Variants in ZNF529 observed in about 807,000 individuals in gnomAD.
ZNF529 encodes zinc finger protein 529.
A neutral mutation model predicts 10.1 loss-of-function variants in ZNF529; 11 were observed. The ratio of observed to expected loss-of-function variants is 1.09; its 90% confidence interval spans 0.69 to 1.81. ZNF529 has a LOEUF of 1.81. Among genes scored for constraint, ZNF529 ranks in the 40% most tolerant of loss-of-function variants. The pLI is 0.00. For synonymous variants in ZNF529, 204 were observed against 215.7 expected (o/e 0.95, Z 0.47); for missense variants, 624 against 666.8 (o/e 0.94, Z 0.71).
At chr19:36,584,216 T>A (rs1490846910) in intron 2 of ZNF529, among the ~76,000 whole-genome samples, 1 of 152,032 alleles carries the variant, frequency 6.6e-6, no homozygotes, top group East Asian at 1.9e-4. Context: ...TTCAAACTGA[T>A]AGAGGAAAAG....
chr19:36,586,477 C>T (rs1342028950), intron 2 of ZNF529, among the ~76,000 whole-genome samples: 1 of 152,076 alleles, frequency 6.6e-6, no homozygotes, highest in Non-Finnish European at 1.5e-5. Flanking sequence ...TGGTGGTGTG[C>T]ATCTCTAATC....
intron 4 of ZNF529, among the ~76,000 whole-genome samples, chr19:36,549,356 AC>A (rs2035175527): frequency 1.3e-5 from 2 of 152,200 alleles, no homozygotes; most frequent in African/African-American, 4.8e-5. Context: ...GTATAACAAG[AC>A]CTAAGGACAT....
chr19:36,595,672 C>T (rs2036824271), intron 1 of ZNF529, among the ~76,000 whole-genome samples: 1 of 152,118 alleles, frequency 6.6e-6, no homozygotes, highest in Non-Finnish European at 1.5e-5. Flanking sequence ...GCACTCCAGC[C>T]TGGACGACAG....
intron 2 of ZNF529, among the ~76,000 whole-genome samples, chr19:36,559,264 C>T (rs1198344232): frequency 6.6e-6 from 1 of 152,230 alleles, no homozygotes; most frequent in African/African-American, 2.4e-5. Context: ...TACAATCCAG[C>T]AATTCTGCTT....
At position 36,548,219 on chromosome 19, in the gene ZNF529, G is replaced by A. The variant is rs1568573974; in HGVS notation, c.339C>T (p.Gly113=). The A allele has an allele frequency of 1.9e-6, 3 of 1,613,704 alleles. No homozygotes were observed. The highest frequency in any genetic ancestry group is 2.5e-6 in the Non-Finnish European group (3 of 1,179,834). The change falls in exon 5 of 5, where the codon GGC becomes GGT. Residue 113 remains glycine, a synonymous_variant. Coordinates refer to ENST00000591340, the MANE Select transcript of ZNF529 (RefSeq NM_020951.5). ...WEVMESSKLC[G]LEGSIFRNDW... is the part of the protein sequence containing the mutation. ...CATTTCTGAAAATGGAACCTTCAAGGCCACATAACTTGCTACTTTCCATTA... is the reference window on the plus strand; with the variant it reads ...CATTTCTGAAAATGGAACCTTCAAGACCACATAACTTGCTACTTTCCATTA...
intron 2 of ZNF529, among the ~76,000 whole-genome samples, chr19:36,560,557 A>G (rs1263182921): frequency 6.6e-6 from 1 of 152,192 alleles, no homozygotes; most frequent in East Asian, 1.9e-4. Flanking sequence ...TAAAAGTTAT[A>G]AATGTATAAA....
In ZNF529 at chr19:36,584,936, T is replaced by C. The variant is rs1046155002; in HGVS notation, c.-41+4679A>G. On this transcript the variant is annotated intron_variant, in intron 2 of 4. Transcript: ENST00000585960. ...TAATCCAGTGCAGGGGAAAGTAGAA[T>C]AAGGAGCACTTAATTGATCTCATAG... Among the ~76,000 whole-genome samples the C allele has an allele frequency of 2.0e-5, 3 of 152,118 alleles. No homozygotes were observed. In the East Asian group the frequency reaches 5.8e-4, roughly 29 times the overall value.
intron 2 of ZNF529, among the ~76,000 whole-genome samples, chr19:36,565,549 A>C (rs2035864467): frequency 6.6e-6 from 1 of 152,082 alleles, no homozygotes; most frequent in Non-Finnish European, 1.5e-5. Flanking sequence ...AAAAATACAA[A>C]AATTAGCTGG....
At chr19:36,600,746 C>T (rs370073205) in intron 1 of ZNF529, among the ~76,000 whole-genome samples, 1 of 152,118 alleles carries the variant, frequency 6.6e-6, no homozygotes, top group African/African-American at 2.4e-5. Flanking sequence ...AATTCCAAGG[C>T]AAATTATTCC....
At chr19:36,591,805 C>T (rs1019062697) in intron 1 of ZNF529, among the ~76,000 whole-genome samples, 20 of 151,774 alleles carry the variant, frequency 1.3e-4, no homozygotes, top group Non-Finnish European at 1.8e-4. Context: ...ATAATTCAAC[C>T]AGAAATTTAA....
chr19:36,575,003 G>A, upstream of ZNF529: 1 of 448,168 alleles, frequency 2.2e-6, no homozygotes, highest in East Asian at 7.0e-5. Flanking sequence ...TAGTTTCTGA[G>A]TTTGCTTTGC....
intron 2 of ZNF529, chr19:36,582,782 C>G (rs1229183108): frequency 1.4e-5 from 2 of 143,336 alleles, no homozygotes; most frequent in Non-Finnish European, 3.1e-5. Context: ...AGAAAATGAA[C>G]AAAACAACAA....
intron 1 of ZNF529, among the ~76,000 whole-genome samples, chr19:36,596,057 C>CT (rs61695534): frequency 0.035 from 2,402 of 68,656 alleles, 476 homozygotes; most frequent in Non-Finnish European, 0.048. Context: ...TCCTGAAGCT[C>CT]TTTTTTTTTT....
chr19:36,564,676 G>T (rs2035831900), intron 2 of ZNF529, among the ~76,000 whole-genome samples: 1 of 152,166 alleles, frequency 6.6e-6, no homozygotes, highest in Non-Finnish European at 1.5e-5. Context: ...GCCACTGTGG[G>T]ATGCAGTTTG....
chr19:36,543,965 T>C lies in ZNF529; in HGVS notation c.*2901A>G, dbSNP rs2034926686. 7.2e-6 allele frequency: 1 copy of C among 139,124 alleles called. No individual in the cohort carries two copies. Among genetic ancestry groups the C allele is most frequent in the Non-Finnish European group, 1.5e-5 (1 of 64,876 alleles). The allele number at this position is 139,124 out of a possible 1,614,324, so 8.6% of individuals were successfully genotyped here. A position where few individuals can be genotyped will look rare whatever the true frequency, so the allele number is the denominator to read the frequency against. Reference sequence around the variant, plus strand: ...TCTTTACCTGTCCCTAACATACATATATTAGTTGCCATTAAATTGAATTCC... The same window carrying C: ...TCTTTACCTGTCCCTAACATACATACATTAGTTGCCATTAAATTGAATTCC... On this transcript the variant is annotated 3_prime_UTR_variant, in exon 5 of 5. Transcript: ENST00000591340.
At chr19:36,566,973 G>A (rs962191625) in intron 2 of ZNF529, among the ~76,000 whole-genome samples, 18 of 150,804 alleles carry the variant, frequency 1.2e-4, no homozygotes, top group Admixed American at 4.0e-4. Context: ...CCGAGATCGC[G>A]CCACTGCATT....
upstream of ZNF529, among the ~76,000 whole-genome samples, chr19:36,576,440 C>T (rs1359511471): frequency 1.3e-5 from 2 of 151,896 alleles, no homozygotes; most frequent in Admixed American, 6.6e-5. Flanking sequence ...ATATTTTGGC[C>T]GGGCGCGGTG....
chr19:36,593,321 A>G, intron 1 of ZNF529, among the ~76,000 whole-genome samples: 1 of 152,110 alleles, frequency 6.6e-6, no homozygotes, highest in East Asian at 1.9e-4. Context: ...GACTACAGGC[A>G]TGCGCCACCT....
chr19:36,588,139 C>A (rs1210716975), intron 2 of ZNF529, among the ~76,000 whole-genome samples: 1 of 152,120 alleles, frequency 6.6e-6, no homozygotes, highest in Non-Finnish European at 1.5e-5. Flanking sequence ...AAGAGCAAGA[C>A]TCTCTCAAAA....
Sources: allele counts gnomAD v4.1 joint callset (sites outside exome capture counted in the v4.1 genomes callset), GRCh38; gene constraint gnomAD v4.1.1; transcripts MANE v1.5; gene names NCBI Gene and HGNC (gene_info 2026-07-23, HGNC 2026-07-21).